CAMK1D: variants seen among roughly 807,000 people sequenced by gnomAD.
CAMK1D encodes calcium/calmodulin dependent protein kinase ID.
CAMK1D carries 9 observed loss-of-function variants against 47.7 expected under a neutral mutation model. That is an observed-to-expected ratio of 0.19 (90% CI 0.11 to 0.33). The LOEUF (loss-of-function observed/expected upper bound fraction) is 0.33, where lower values mean the gene tolerates loss of function less well. CAMK1D is among the 10% of genes least tolerant of loss of function. The probability of loss-of-function intolerance (pLI) is 1.00; values close to 1 mark genes in which losing one functional copy is unlikely to be tolerated. For missense variants in CAMK1D, 291 were observed against 488.7 expected (o/e 0.60, Z 3.81); for synonymous variants, 184 against 184.9 (o/e 0.99, Z 0.04).
chr10:12,360,465 C>G (rs769960506), intron 1 of CAMK1D, among the ~76,000 whole-genome samples: 12 of 152,134 alleles, frequency 7.9e-5, no homozygotes, highest in Non-Finnish European at 1.3e-4. Flanking sequence ...CCCCTGCCCC[C>G]AAATATCCTC....
chr10:12,701,995 A>T (rs1202575767), intron 3 of CAMK1D, among the ~76,000 whole-genome samples: 1 of 152,242 alleles, frequency 6.6e-6, no homozygotes, highest in African/African-American at 2.4e-5. Flanking sequence ...GGGCGCAGTT[A>T]TGAAGACCCT....
chr10:12,801,751 A>G (rs1303598395), intron 6 of CAMK1D, among the ~76,000 whole-genome samples: 1 of 152,148 alleles, frequency 6.6e-6, no homozygotes, highest in Non-Finnish European at 1.5e-5. Context: ...ACCTGTCTGT[A>G]TATCTATGTG....
At chr10:12,443,977 G>A (rs912281518) in intron 1 of CAMK1D, among the ~76,000 whole-genome samples, 3 of 152,136 alleles carry the variant, frequency 2.0e-5, no homozygotes, top group Admixed American at 2.0e-4. Context: ...CTAAACAAGG[G>A]ACAGATTATT....
intron 2 of CAMK1D, among the ~76,000 whole-genome samples, chr10:12,607,456 A>G (rs2132403950): frequency 6.6e-6 from 1 of 152,284 alleles, no homozygotes; most frequent in Middle Eastern, 3.4e-3. Flanking sequence ...CCGTTTAGTG[A>G]GGTGTTCATT....
chr10:12,790,707 C>G (rs1837943642), intron 5 of CAMK1D, among the ~76,000 whole-genome samples: 1 of 151,924 alleles, frequency 6.6e-6, no homozygotes, highest in Non-Finnish European at 1.5e-5. Flanking sequence ...GTTAAAAATG[C>G]CTGTTGAGTG....
intron 5 of CAMK1D, among the ~76,000 whole-genome samples, chr10:12,778,125 T>C (rs547303535): frequency 1.3e-5 from 2 of 152,376 alleles, no homozygotes; most frequent in African/African-American, 4.8e-5. Flanking sequence ...GTTCAGACTT[T>C]TGATAGGTCG....
At chr10:12,448,363 T>C (rs945502765) in intron 1 of CAMK1D, among the ~76,000 whole-genome samples, 1 of 84,710 alleles carries the variant, frequency 1.2e-5, no homozygotes, top group Non-Finnish European at 2.3e-5. Context: ...TTATTTTTGC[T>C]TATTTTAATT....
intron 1 of CAMK1D, among the ~76,000 whole-genome samples, chr10:12,446,436 C>T (rs1327369973): frequency 6.6e-6 from 1 of 152,182 alleles, no homozygotes; most frequent in Non-Finnish European, 1.5e-5. Context: ...TCACTCTCGT[C>T]GCCATCTTGG....
intron 3 of CAMK1D, among the ~76,000 whole-genome samples, chr10:12,715,881 T>C (rs918077221): frequency 1.3e-5 from 2 of 152,024 alleles, no homozygotes; most frequent in African/African-American, 4.8e-5. Flanking sequence ...AGCTAATTTC[T>C]GTATTTTTAG....
At position 12,684,568 on chromosome 10, in the gene CAMK1D, C is replaced by G. The variant is rs1170004183; in HGVS notation, c.299+17758C>G. Among the ~76,000 whole-genome samples the G allele has an allele frequency of 5.9e-5, 9 of 152,210 alleles. No individual in the cohort carries two copies. The South Asian group carries it at 1.7e-3, about 28-fold the overall frequency. ...TCTAAATACTAAAAGGCATCCAAAT[C>G]GTGGGACTGTTTTAACATAATTTTT... is the stretch of plus-strand genomic sequence containing the variant. On this transcript the variant is annotated intron_variant, in intron 3 of 10. Transcript: ENST00000619168.
chr10:12,387,391 TA>T (rs1273904187), intron 1 of CAMK1D, among the ~76,000 whole-genome samples: 208 of 65,362 alleles, frequency 3.2e-3, no homozygotes, highest in East Asian at 7.4e-3. Flanking sequence ...TTATATATAT[TA>T]TATATTTTTA....
Position 12,687,274 on chromosome 10 carries a change from G to GA in CAMK1D, c.299+20477dup, listed in dbSNP as rs1003050870. ...CTTTGATTTATTGATACTATGCTCA[G>GA]AAAAAAAAAAAAATACACAGCATGT... On this transcript the variant is annotated intron_variant, in intron 3 of 10. Transcript: ENST00000619168. 5.0e-3 allele frequency among the ~76,000 whole-genome samples: 703 copies of GA among 139,924 alleles called. 2 individuals carry two copies. The highest frequency in any genetic ancestry group is 0.011 in the East Asian group (54 of 4,888). The allele number at this position is 139,924 out of a possible 152,430, so 91.8% of individuals were successfully genotyped here. A position where few individuals can be genotyped will look rare whatever the true frequency, so the allele number is the denominator to read the frequency against.
At chr10:12,790,631 A>G (rs896399139) in intron 5 of CAMK1D, among the ~76,000 whole-genome samples, 2 of 141,954 alleles carry the variant, frequency 1.4e-5, no homozygotes, top group African/African-American at 5.2e-5. Context: ...ACACTCACCC[A>G]CACACCCCTT....
At chr10:12,625,258 C>T (rs1465133952) in intron 2 of CAMK1D, among the ~76,000 whole-genome samples, 1 of 149,630 alleles carries the variant, frequency 6.7e-6, no homozygotes, top group Non-Finnish European at 1.5e-5. Context: ...ATCGCTTGGA[C>T]CTGGGAGGCG....
intron 1 of CAMK1D, among the ~76,000 whole-genome samples, chr10:12,473,415 C>G (rs1833807916): frequency 6.6e-6 from 1 of 151,978 alleles, no homozygotes; most frequent in Non-Finnish European, 1.5e-5. Context: ...GCCTGGGTGA[C>G]AGAGCGAGAC....
chr10:12,469,522 A>G (rs1262605766), intron 1 of CAMK1D, among the ~76,000 whole-genome samples: 1 of 152,132 alleles, frequency 6.6e-6, no homozygotes, highest in Non-Finnish European at 1.5e-5. Flanking sequence ...TGCTACAGTC[A>G]TGGCAAATAA....
chr10:12,440,597 T>A (rs1048524360), intron 1 of CAMK1D, among the ~76,000 whole-genome samples: 1 of 152,116 alleles, frequency 6.6e-6, no homozygotes, highest in Non-Finnish European at 1.5e-5. Flanking sequence ...CAGATACCTG[T>A]TTTTTTGTTT....
At chr10:12,449,899 T>C (rs1833032906) in intron 1 of CAMK1D, among the ~76,000 whole-genome samples, 1 of 152,112 alleles carries the variant, frequency 6.6e-6, no homozygotes, top group African/African-American at 2.4e-5. Flanking sequence ...ACTGGGAGGC[T>C]GAGGTGGGAG....
chr10:12,485,344 TG>T (rs999320790), intron 1 of CAMK1D, among the ~76,000 whole-genome samples: 1 of 152,132 alleles, frequency 6.6e-6, no homozygotes, highest in Middle Eastern at 3.2e-3. Flanking sequence ...CAGAGCTTCC[TG>T]GGGATTCTTT....
Sources: gnomAD v4.1 joint callset for allele counts (sites outside exome capture counted in the v4.1 genomes callset) on GRCh38, gnomAD v4.1.1 for gene constraint, MANE v1.5 for transcripts, NCBI Gene and HGNC (gene_info 2026-07-23, HGNC 2026-07-21) for gene names.